Variants in CSMD1 observed in about 807,000 individuals in gnomAD.
The protein encoded by CSMD1 is CUB and sushi domain-containing protein 1.
In CSMD1, 213 loss-of-function variants were observed where a neutral mutation model predicts 417.5. The observed-to-expected ratio is 0.51, with a 90% CI of 0.46 to 0.57. The LOEUF is 0.57. CSMD1 is among the 20% of genes least tolerant of loss of function. CSMD1 has a pLI of 0.00. For missense variants in CSMD1, 6,923 were observed against 4,529.7 expected (o/e 1.53, Z -15.17); for synonymous variants, 2,862 against 1,736.8 (o/e 1.65, Z -16.11).
chr8:3,928,567 G>C (rs1237265975), intron 5 of CSMD1, among the ~76,000 whole-genome samples: 1 of 136,302 alleles, frequency 7.3e-6, no homozygotes, highest in African/African-American at 2.7e-5. Context: ...ACTAAGTTCA[G>C]ATCTACAAGT....
intron 1 of CSMD1, among the ~76,000 whole-genome samples, chr8:4,667,490 T>G (rs2130937049): frequency 6.6e-6 from 1 of 152,316 alleles, no homozygotes; most frequent in African/African-American, 2.4e-5. Context: ...CTCCAATTCA[T>G]GAACATGATA....
chr8:3,460,822 A>T (rs753220004), intron 12 of CSMD1, among the ~76,000 whole-genome samples: 2 of 152,182 alleles, frequency 1.3e-5, no homozygotes, highest in Admixed American at 6.5e-5. Flanking sequence ...TCTGGGTAAG[A>T]ACAGACAATG....
intron 1 of CSMD1, among the ~76,000 whole-genome samples, chr8:4,833,451 T>A (rs1043795614): frequency 2.0e-5 from 3 of 152,164 alleles, no homozygotes; most frequent in Non-Finnish European, 2.9e-5. Flanking sequence ...CACCTCTCAC[T>A]AGGACCCTAC....
intron 1 of CSMD1, among the ~76,000 whole-genome samples, chr8:4,935,520 G>A (rs1233605173): frequency 2.0e-5 from 3 of 152,128 alleles, no homozygotes; most frequent in East Asian, 1.9e-4. Flanking sequence ...ATGAATGAAC[G>A]AATGAATGAA....
At chr8:4,214,971 G>T (rs1462145998) in intron 3 of CSMD1, among the ~76,000 whole-genome samples, 2 of 152,042 alleles carry the variant, frequency 1.3e-5, no homozygotes, top group African/African-American at 4.8e-5. Flanking sequence ...TGAGATACAG[G>T]CACAGCTTAC....
At chr8:3,775,827 C>G (rs2720758) in intron 5 of CSMD1, among the ~76,000 whole-genome samples, 1 of 152,212 alleles carries the variant, frequency 6.6e-6, no homozygotes, top group Non-Finnish European at 1.5e-5. Flanking sequence ...CATTGCTTTC[C>G]GCCAACGCGC....
At chr8:3,799,286 G>A (rs1201270269) in intron 5 of CSMD1, among the ~76,000 whole-genome samples, 2 of 151,194 alleles carry the variant, frequency 1.3e-5, no homozygotes, top group African/African-American at 2.4e-5. Flanking sequence ...TAGGGTACAT[G>A]TGCACAATGT....
At chr8:3,657,945 A>C (rs1779987136) in intron 7 of CSMD1, among the ~76,000 whole-genome samples, 1 of 152,166 alleles carries the variant, frequency 6.6e-6, no homozygotes. Context: ...GAGGGACCTT[A>C]CATCATTGTT....
chr8:4,854,764 C>G (rs1277407430), intron 1 of CSMD1, among the ~76,000 whole-genome samples: 1 of 152,164 alleles, frequency 6.6e-6, no homozygotes, highest in Non-Finnish European at 1.5e-5. Context: ...GAGGGTCCTA[C>G]ACCCACAGAG....
intron 3 of CSMD1, among the ~76,000 whole-genome samples, chr8:4,280,187 A>G (rs1265386865): frequency 6.6e-6 from 1 of 152,134 alleles, no homozygotes; most frequent in Non-Finnish European, 1.5e-5. Flanking sequence ...ACCATGGCCT[A>G]TTTCTTAAGC....
At chr8:3,974,905 C>T (rs965112272) in intron 5 of CSMD1, among the ~76,000 whole-genome samples, 1 of 152,012 alleles carries the variant, frequency 6.6e-6, no homozygotes, top group Non-Finnish European at 1.5e-5. Flanking sequence ...ATATTTTTAT[C>T]TACTACAATA....
Position 2,955,766 on chromosome 8 carries a change from G to T in CSMD1, c.9817C>A (p.His3273Asn). ...GGGGTTTCTGGCTGTCTGCAGGCAT[G>T]AGCTGAAACAACATTAGGAAACATT... Reference protein sequence around the residue: ...WSGIQTECIPHACRQPETPAH... With the variant: ...WSGIQTECIPNACRQPETPAH... Residue 3273 changes from histidine to asparagine, a missense_variant and splice_region_variant, in exon 64 of 70, where the codon CAT becomes AAT. Physicochemically the swap from His to Asn is moderately conservative, Grantham distance 68. Transcript: ENST00000635120. The T allele has an allele frequency of 1.2e-6, 2 of 1,613,280 alleles. No individual in the cohort carries two copies. The highest frequency in any genetic ancestry group is 2.2e-5 in the South Asian group (2 of 90,986).
At chr8:4,847,721 C>T (rs1056040125) in intron 1 of CSMD1, among the ~76,000 whole-genome samples, 3 of 151,272 alleles carry the variant, frequency 2.0e-5, no homozygotes, top group African/African-American at 7.3e-5. Context: ...TCACGCCTAC[C>T]TTGACAGTTT....
At chr8:4,922,014 A>C (rs1806529972) in intron 1 of CSMD1, among the ~76,000 whole-genome samples, 1 of 152,134 alleles carries the variant, frequency 6.6e-6, no homozygotes, top group Non-Finnish European at 1.5e-5. Flanking sequence ...CCTTCCTATG[A>C]AAAGCCTTTC....
chr8:4,466,518 G>A (rs932116311), intron 2 of CSMD1, among the ~76,000 whole-genome samples: 1 of 152,120 alleles, frequency 6.6e-6, no homozygotes, highest in Non-Finnish European at 1.5e-5. Context: ...TGTTTAGAAG[G>A]CAATGGAAAG....
At chr8:4,557,037 T>C (rs1334736666) in intron 2 of CSMD1, among the ~76,000 whole-genome samples, 5 of 152,244 alleles carry the variant, frequency 3.3e-5, no homozygotes, top group African/African-American at 1.2e-4. Flanking sequence ...GTGTAATTTT[T>C]ATAAAGGATT....
intron 11 of CSMD1, among the ~76,000 whole-genome samples, chr8:3,477,153 G>A (rs919286114): frequency 1.1e-4 from 16 of 152,252 alleles, no homozygotes; most frequent in African/African-American, 3.9e-4. Flanking sequence ...GAAAAATTCT[G>A]CATGTGTCAC....
intron 15 of CSMD1, among the ~76,000 whole-genome samples, chr8:3,404,524 G>C (rs971724674): frequency 6.6e-6 from 1 of 151,984 alleles, no homozygotes; most frequent in African/African-American, 2.4e-5. Flanking sequence ...GAGATGATGG[G>C]TCTGAGAATG....
At chr8:4,175,189 T>C (rs761889198) in intron 3 of CSMD1, among the ~76,000 whole-genome samples, 1 of 152,078 alleles carries the variant, frequency 6.6e-6, no homozygotes, top group Non-Finnish European at 1.5e-5. Context: ...TAATTACTTC[T>C]TACTGGGGAA....
Sources: allele counts gnomAD v4.1 joint callset (sites outside exome capture counted in the v4.1 genomes callset), GRCh38; gene constraint gnomAD v4.1.1; transcripts MANE v1.5; gene names NCBI Gene and HGNC (gene_info 2026-07-23, HGNC 2026-07-21).